KIAA1549L: variants seen among roughly 807,000 people sequenced by gnomAD.
The protein encoded by KIAA1549L is KIAA1549 like, also known as UPF0606 protein KIAA1549L.
A neutral mutation model predicts 160.7 loss-of-function variants in KIAA1549L; 88 were observed. The ratio of observed to expected loss-of-function variants is 0.55; its 90% confidence interval spans 0.46 to 0.65. The LOEUF is 0.65. KIAA1549L is among the 30% of genes least tolerant of loss of function. The pLI is 0.00. For missense variants in KIAA1549L, 2,258 were observed against 2,437.5 expected, an observed-to-expected ratio of 0.93 and a Z score of 1.55; for synonymous variants, 950 against 976.7, an observed-to-expected ratio of 0.97 and a Z score of 0.51.
intron 1 of KIAA1549L, among the ~76,000 whole-genome samples, chr11:33,523,791 A>G (rs968218991): frequency 1.3e-5 from 2 of 152,250 alleles, no homozygotes; most frequent in Non-Finnish European, 2.9e-5. Context: ...GTGTTATTAA[A>G]TAATTTATTA....
chr11:33,436,007 T>G (rs1243243766), intron 1 of KIAA1549L, among the ~76,000 whole-genome samples: 8 of 143,916 alleles, frequency 5.6e-5, no homozygotes, highest in Non-Finnish European at 1.1e-4. Context: ...AATAATAAAC[T>G]AATAAGGTAG....
At chr11:33,530,439 ATATAT>A (rs1853738167) in intron 1 of KIAA1549L, among the ~76,000 whole-genome samples, 4 of 3,744 alleles carry the variant, frequency 1.1e-3, no homozygotes, top group Non-Finnish European at 2.0e-3. Flanking sequence ...AAAAAAAAAT[ATATAT>A]ATATATATAT....
At chr11:33,384,799 G>A (rs186615099) in intron 1 of KIAA1549L, among the ~76,000 whole-genome samples, 3 of 152,118 alleles carry the variant, frequency 2.0e-5, no homozygotes, top group Admixed American at 2.0e-4. Flanking sequence ...TTTAAAAATT[G>A]GATTGTTTTC....
chr11:33,669,685 C>G lies in KIAA1549L; in HGVS notation c.*1531C>G, dbSNP rs1320752795. On this transcript the variant is annotated 3_prime_UTR_variant, in exon 21 of 21. Coordinates refer to ENST00000658780, the MANE Select transcript of KIAA1549L (RefSeq NM_012194.3). ...TAGAAATTTAAAAGTTGAGAGAAGA[C>G]TAGAAATGGAACTGATTAGAAGGGG... The G allele has an allele frequency of 6.6e-6, 1 of 152,158 alleles. No individual in the cohort carries two copies. The highest frequency in any genetic ancestry group is 2.4e-5 in the African/African-American group (1 of 41,436). 9.4% of individuals were successfully genotyped at this position (152,158 alleles called of 1,614,324 possible).
intron 10 of KIAA1549L, among the ~76,000 whole-genome samples, chr11:33,577,438 A>G (rs1310653350): frequency 6.6e-6 from 1 of 152,222 alleles, no homozygotes; most frequent in African/African-American, 2.4e-5. Flanking sequence ...CTGACAATGC[A>G]GAAGAGAGAG....
intron 4 of KIAA1549L, among the ~76,000 whole-genome samples, chr11:33,550,030 CAAAAAAAGAAACA>C (rs1280539311): frequency 1.2e-4 from 16 of 131,130 alleles, no homozygotes; most frequent in African/African-American, 4.9e-4. Flanking sequence ...AAAAAACAAA[CAAAAAAAGAAACA>C]AAAAAAAAAA....
At chr11:33,648,034 G>C (rs1005852422) in intron 17 of KIAA1549L, among the ~76,000 whole-genome samples, 3 of 152,120 alleles carry the variant, frequency 2.0e-5, no homozygotes, top group Non-Finnish European at 4.4e-5. Flanking sequence ...TGTCACCCAG[G>C]CTGGAGTGCA....
At chr11:33,459,178 A>G (rs1040490818) in intron 1 of KIAA1549L, among the ~76,000 whole-genome samples, 2 of 152,224 alleles carry the variant, frequency 1.3e-5, no homozygotes, top group Non-Finnish European at 2.9e-5. Context: ...ATCGTGTGGA[A>G]GAATTCTGGG....
rs746689379 is a variant in KIAA1549L at position 33,661,034 on chromosome 11, C to T, written c.6159+20C>T. 14 of 1,591,190 alleles carry T rather than the reference C, an allele frequency of 8.8e-6. No individual in the cohort carries two copies. The Admixed American group carries it at 1.4e-4, about 16-fold the overall frequency. On this transcript the variant is annotated intron_variant, in intron 20 of 20. Transcript: ENST00000658780. Reference sequence around the variant, plus strand: ...GATTCGGTGAGACCCTTGCTCTTCACCTCATAAAACTTTACCTGCTTAACA... The same window carrying T: ...GATTCGGTGAGACCCTTGCTCTTCATCTCATAAAACTTTACCTGCTTAACA...
Position 33,668,884 on chromosome 11 carries a change from A to AAGTT in KIAA1549L, c.*733_*736dup, listed in dbSNP as rs756602238. On this transcript the variant is annotated 3_prime_UTR_variant, in exon 21 of 21. Transcript: ENST00000658780. ...CATTTTGGAAATAAAAGTCCCCTAC[A>AAGTT]AGTTAGGATCTAACTGAAAGAGAAT... 6.6e-6 allele frequency: 1 copy of AAGTT among 152,240 alleles called. No individual in the cohort carries two copies. Among genetic ancestry groups the AAGTT allele is most frequent in the African/African-American group, 2.4e-5 (1 of 41,466 alleles). The allele number at this position is 152,240 out of a possible 1,614,324, so 9.4% of individuals were successfully genotyped here. A position where few individuals can be genotyped will look rare whatever the true frequency, so the allele number is the denominator to read the frequency against.
chr11:33,493,634 A>G (rs762622907), intron 1 of KIAA1549L, among the ~76,000 whole-genome samples: 1 of 152,236 alleles, frequency 6.6e-6, no homozygotes, highest in Non-Finnish European at 1.5e-5. Flanking sequence ...TTTTATATGT[A>G]GAAATAATGA....
intron 1 of KIAA1549L, among the ~76,000 whole-genome samples, chr11:33,434,986 T>C (rs1250265673): frequency 5.9e-5 from 9 of 152,250 alleles, no homozygotes; most frequent in Non-Finnish European, 1.3e-4. Flanking sequence ...GAATTGTCCA[T>C]GTATTCTTTT....
chr11:33,417,041 T>A (rs1330038492), intron 1 of KIAA1549L, among the ~76,000 whole-genome samples: 1 of 152,234 alleles, frequency 6.6e-6, no homozygotes, highest in Non-Finnish European at 1.5e-5. Flanking sequence ...AAATGTTCTA[T>A]CTGTGTTGTC....
At chr11:33,446,677 T>C (rs1358234823) in intron 1 of KIAA1549L, among the ~76,000 whole-genome samples, 1 of 152,128 alleles carries the variant, frequency 6.6e-6, no homozygotes, top group Non-Finnish European at 1.5e-5. Context: ...ACTTTTTTTT[T>C]TTAAATTTAA....
intron 16 of KIAA1549L, among the ~76,000 whole-genome samples, chr11:33,632,312 C>A (rs368767266): frequency 6.6e-6 from 1 of 152,230 alleles, no homozygotes; most frequent in Admixed American, 6.5e-5. Context: ...AGAGGGAATT[C>A]TCTTTTCCCA....
In KIAA1549L at chr11:33,551,228, C is replaced by T. The variant is rs760598809; in HGVS notation, c.3690C>T (p.Pro1230=). 2 of 1,613,558 alleles carry T rather than the reference C, an allele frequency of 1.2e-6. No homozygotes were observed. Among genetic ancestry groups the T allele is most frequent in the Non-Finnish European group, 1.7e-6 (2 of 1,179,866 alleles). Residue 1230 remains proline, a synonymous_variant, in exon 5 of 21, where the codon CCC becomes CCT. Transcript: ENST00000658780. The part of the protein sequence containing the change: ...SVAVLASPWN[P]QPAGYFQLKT... The stretch of plus-strand genomic sequence containing the variant: ...CAGTACTTGCCTCCCCATGGAATCC[C>T]CAGCCTGCAGGCTACTTCCAGCTAA...
chr11:33,578,773 G>C lies in KIAA1549L; in HGVS notation c.4402+3900G>C, dbSNP rs553250465. Among the ~76,000 whole-genome samples the C allele has an allele frequency of 3.9e-5, 6 of 152,264 alleles. No individual in the cohort carries two copies. The East Asian group carries it at 1.2e-3, about 29-fold the overall frequency. On this transcript the variant is annotated intron_variant, in intron 10 of 20. Coordinates refer to ENST00000658780, the MANE Select transcript of KIAA1549L (RefSeq NM_012194.3). Reference sequence around the variant, plus strand: ...TCATCCTGCATGTTCCCTCTTCCTTGAAGCCTTCCTTGGCGCCTGAGGCAC... The same window carrying C: ...TCATCCTGCATGTTCCCTCTTCCTTCAAGCCTTCCTTGGCGCCTGAGGCAC...
At chr11:33,399,900 C>T (rs979229950) in intron 1 of KIAA1549L, among the ~76,000 whole-genome samples, 1 of 152,218 alleles carries the variant, frequency 6.6e-6, no homozygotes, top group African/African-American at 2.4e-5. Context: ...GGCACCTCCA[C>T]TTTGTGGACT....
At chr11:33,610,104 G>T in intron 15 of KIAA1549L, 138 bp downstream of exon 15, 1 of 654,838 alleles carries the variant, frequency 1.5e-6, no homozygotes, top group Non-Finnish European at 2.7e-6. Context: ...TACCACGCTG[G>T]TCTGTGCAAG....
Sources: allele counts gnomAD v4.1 joint callset (sites outside exome capture counted in the v4.1 genomes callset), GRCh38; gene constraint gnomAD v4.1.1; transcripts MANE v1.5; gene names NCBI Gene and HGNC (gene_info 2026-07-23, HGNC 2026-07-21).